The following ITPA variants were observed in gnomAD, a reference collection of about 807,000 sequenced individuals.
ITPA encodes inosine triphosphatase, also known as inosine triphosphate pyrophosphatase.
In ITPA, 29 loss-of-function variants were observed where a neutral mutation model predicts 29.6. The ratio of observed to expected loss-of-function variants is 0.98; its 90% CI spans 0.73 to 1.34. ITPA has a LOEUF of 1.34. Among genes scored for constraint, ITPA ranks in the 40% most tolerant of loss-of-function variants. The pLI, the probability that ITPA is intolerant of heterozygous loss-of-function variation, is 0.00. For missense variants in ITPA, 241 were observed against 251.5 expected (o/e 0.96, Z 0.28); for synonymous variants, 103 against 99.3 (o/e 1.04, Z -0.22).
At chr20:3,211,065 T>TAA (rs1197439578) in intron 1 of ITPA, among the ~76,000 whole-genome samples, 1 of 112,910 alleles carries the variant, frequency 8.9e-6, no homozygotes, top group Admixed American at 9.0e-5. Context: ...CTGTCTCAAA[T>TAA]AAAAAAAAAA....
chr20:3,219,474 A>G (rs141389931), intron 6 of ITPA, among the ~76,000 whole-genome samples: 97 of 152,064 alleles, frequency 6.4e-4, no homozygotes, highest in African/African-American at 2.2e-3. Flanking sequence ...GCCGGGCGTG[A>G]TGGCTCACAT....
chr20:3,209,683 G>A lies in ITPA; in HGVS notation c.66+66G>A, dbSNP rs1195504753. On this transcript the variant is annotated intron_variant, in intron 1 of 7. Transcript: ENST00000380113. The surrounding 1 kb of genome is among the most constrained non-coding windows in gnomAD (Gnocchi z 4.6). Reference sequence around the variant, plus strand: ...GAATAGGGCGGAGAAGGGGCTTCCGGGAGGAGGGAAGCACGTGGGAGGAGG... The same window carrying A: ...GAATAGGGCGGAGAAGGGGCTTCCGAGAGGAGGGAAGCACGTGGGAGGAGG... 1.5e-5 allele frequency: 20 copies of A among 1,365,610 alleles called. No individual in the cohort carries two copies. The highest frequency in any genetic ancestry group is 2.1e-5 in the Non-Finnish European group (20 of 958,298). The allele number at this position is 1,365,610 out of a possible 1,614,324, so 84.6% of individuals were successfully genotyped here.
Position 3,209,527 on chromosome 20 carries a change from C to G in ITPA, c.-25C>G, listed in dbSNP as rs370491898. 1.9e-6 allele frequency: 3 copies of G among 1,611,948 alleles called. No individual in the cohort carries two copies. The highest frequency in any genetic ancestry group is 2.5e-6 in the Non-Finnish European group (3 of 1,178,236). ...CTGGACGCCAAGGAGTTTTCGGTGG[C>G]TCAGCTGGGTAACCGGGGATCACCA... On this transcript the variant is annotated 5_prime_UTR_variant, in exon 1 of 8. Transcript: ENST00000380113. This position sits in a 1 kb window ranked among gnomAD's most constrained non-coding sequence, Gnocchi z 4.6.
chr20:3,206,963 G>T (rs66696167), upstream of ITPA, among the ~76,000 whole-genome samples: 1 of 151,968 alleles, frequency 6.6e-6, no homozygotes, highest in African/African-American at 2.4e-5. Flanking sequence ...GCAGTGAGCC[G>T]GGACCACACC....
At chr20:3,211,790 C>T (rs1219925591) in intron 1 of ITPA, among the ~76,000 whole-genome samples, 1 of 152,136 alleles carries the variant, frequency 6.6e-6, no homozygotes, top group Non-Finnish European at 1.5e-5. Flanking sequence ...CCGTGCCTGG[C>T]CGAACGGGTA....
At chr20:3,205,012 G>A (rs769062046), upstream of ITPA, among the ~76,000 whole-genome samples, 26 of 152,118 alleles carry the variant, frequency 1.7e-4, no homozygotes, top group Non-Finnish European at 3.4e-4. Context: ...CACCACGCCC[G>A]GCTAATTTTT....
At position 3,209,617 on chromosome 20, in the gene ITPA, G is replaced by A. The variant is rs1413585093; in HGVS notation, c.66G>A (p.Glu22=). Residue 22 remains glutamate, a splice_region_variant and synonymous_variant, in exon 1 of 8, where the codon GAG becomes GAA. Transcript: ENST00000380113. The surrounding 1 kb of genome is among the most constrained non-coding windows in gnomAD (Gnocchi z 4.6). ...CGGGGAACGCCAAGAAGCTGGAGGA[G>A]GTGCCGGGAGGGTGTTGGGGGCTAA... ...FVTGNAKKLE[E]VVQILGDKFP... 1.2e-6 allele frequency: 2 copies of A among 1,613,956 alleles called. No homozygotes were observed. The highest frequency in any genetic ancestry group is 1.7e-5 in the Admixed American group (1 of 60,016).
At chr20:3,206,487 G>A (rs943209199), upstream of ITPA, among the ~76,000 whole-genome samples, 5 of 150,600 alleles carry the variant, frequency 3.3e-5, no homozygotes, top group East Asian at 2.0e-4. Flanking sequence ...ACCTGAGGTC[G>A]GGAATTTGAG....
At chr20:3,214,411 G>A (rs986296989) in intron 4 of ITPA, among the ~76,000 whole-genome samples, 12 of 144,512 alleles carry the variant, frequency 8.3e-5, no homozygotes, top group South Asian at 2.2e-4. Flanking sequence ...TTACCCAGAC[G>A]GCTGGAGTGC....
At position 3,213,171 on chromosome 20, in the gene ITPA, C is replaced by CG. The variant is rs1568509937; in HGVS notation, c.70dup (p.Val24GlyfsTer7). On this transcript the variant is annotated frameshift_variant, in exon 2 of 8. Coordinates refer to ENST00000380113, the MANE Select transcript of ITPA (RefSeq NM_033453.4). LOFTEE classifies it high-confidence loss of function. ...TGTTCTCTTTTCTCTTGGAACAGGT[C>CG]GTTCAGATTCTAGGAGATAAGTTTC... is the stretch of plus-strand genomic sequence containing the variant. The CG allele has an allele frequency of 1.9e-6, 3 of 1,613,570 alleles. No homozygotes were observed. The African/African-American group carries it at 4.0e-5, about 22-fold the overall frequency.
chr20:3,221,220 T>C (rs1477386871), intron 6 of ITPA, among the ~76,000 whole-genome samples: 1 of 151,868 alleles, frequency 6.6e-6, no homozygotes, highest in Non-Finnish European at 1.5e-5. Flanking sequence ...CTTTCTTTTT[T>C]TTTTTTACTT....
rs1238339105 is a variant in ITPA at position 3,221,823 on chromosome 20, C to T, written c.412-18C>T. ...CTCTGGACCCAGTTACACACCTGTC[C>T]CCCCTTTCCTGTGGCAGGGCCGGAT... On this transcript the variant is annotated intron_variant, in intron 6 of 7. Transcript: ENST00000380113. 1 of 1,613,534 alleles carries T rather than the reference C, an allele frequency of 6.2e-7. No individual in the cohort carries two copies. The highest frequency in any genetic ancestry group is 8.5e-7 in the Non-Finnish European group (1 of 1,179,454).
At chr20:3,204,329 G>C (rs1227540411), upstream of ITPA, among the ~76,000 whole-genome samples, 1 of 152,142 alleles carries the variant, frequency 6.6e-6, no homozygotes, top group Non-Finnish European at 1.5e-5. Context: ...ACTCTGGCTT[G>C]GAGTCGAGAG....
At chr20:3,227,412 G>T, downstream of ITPA, 1 of 291,706 alleles carries the variant, frequency 3.4e-6, no homozygotes, top group Non-Finnish European at 6.8e-6. Flanking sequence ...GACACAGGTG[G>T]CACATAGGAG....
Position 3,223,502 on chromosome 20 carries a change from G to C in ITPA, c.*40G>C, listed in dbSNP as rs116106310. 3.7e-4 allele frequency: 570 copies of C among 1,528,178 alleles called. 2 individuals are homozygous for C. In the African/African-American group the frequency reaches 6.9e-3, roughly 19 times the overall value. 94.7% of individuals were successfully genotyped at this position (1,528,178 alleles called of 1,614,324 possible). ...GGAGGCCCCTCAGGCCGGGGATCTG[G>C]GGAGGGCTAGCCCAAAACCTCCCGC... On this transcript the variant is annotated 3_prime_UTR_variant, in exon 8 of 8. Coordinates refer to ENST00000380113, the MANE Select transcript of ITPA (RefSeq NM_033453.4).
In ITPA at chr20:3,220,118, C is replaced by G. The variant is rs919001974; in HGVS notation, c.411+1486C>G. ...CTTCCGTGAGATGTATTCAACACCC[C>G]CTACTGCCTATCACTGCTCACGACA... is the stretch of plus-strand genomic sequence containing the variant. On this transcript the variant is annotated intron_variant, in intron 6 of 7. Transcript: ENST00000380113. Among the ~76,000 whole-genome samples, 4 of 152,006 alleles carry G rather than the reference C, an allele frequency of 2.6e-5. No homozygotes were observed. In the East Asian group the frequency reaches 5.8e-4, roughly 22 times the overall value.
At chr20:3,207,995 CA>C (rs71195826), upstream of ITPA, among the ~76,000 whole-genome samples, 22,530 of 116,110 alleles carry the variant, frequency 0.19, 1,968 homozygotes, top group African/African-American at 0.37. Flanking sequence ...GACTCCGTCT[CA>C]AAAAAAAAAA....
intron 5 of ITPA, among the ~76,000 whole-genome samples, chr20:3,215,987 A>G (rs1283289824): frequency 3.4e-5 from 5 of 149,238 alleles, no homozygotes; most frequent in Non-Finnish European, 7.4e-5. Flanking sequence ...CACCCAGCCT[A>G]TTTGTTTACT....
In ITPA at chr20:3,219,369, G is replaced by A. The variant is rs560773819; in HGVS notation, c.411+737G>A. Among the ~76,000 whole-genome samples the A allele has an allele frequency of 4.6e-5, 7 of 151,758 alleles. No homozygotes were observed. The East Asian group carries it at 7.8e-4, about 17-fold the overall frequency. On this transcript the variant is annotated intron_variant, in intron 6 of 7. Transcript: ENST00000380113. ...TACACCTGTAATCCTAGCACTTTGC[G>A]AGGCCCCAGCGGGAGGCTTTCTTGA...
Sources: gnomAD v4.1 joint callset for allele counts (sites outside exome capture counted in the v4.1 genomes callset) on GRCh38, gnomAD v4.1.1 for gene constraint, Gnocchi (gnomAD v3.1) non-coding constraint, MANE v1.5 for transcripts, NCBI Gene and HGNC (gene_info 2026-07-23, HGNC 2026-07-21) for gene names.